Variants in SCAPER observed in about 807,000 individuals in gnomAD.
SCAPER encodes S phase cyclin A-associated protein in the endoplasmic reticulum.
In SCAPER, 98 loss-of-function variants were observed where a neutral mutation model predicts 182.2. The ratio of observed to expected loss-of-function variants is 0.54; its 90% CI spans 0.46 to 0.64. SCAPER has a LOEUF of 0.64. SCAPER is among the 30% of genes least tolerant of loss of function. SCAPER has a pLI of 0.00. For missense variants in SCAPER, 1,432 were observed against 1,690.0 expected (o/e 0.85, Z 2.68); for synonymous variants, 605 against 564.6 (o/e 1.07, Z -1.01).
At chr15:76,512,729 T>G (rs2042138932) in intron 23 of SCAPER, among the ~76,000 whole-genome samples, 1 of 152,052 alleles carries the variant, frequency 6.6e-6, no homozygotes, top group South Asian at 2.1e-4. Context: ...TTGAAAAACC[T>G]AAGACACAAG....
chr15:76,540,198 C>T (rs1285439751), intron 23 of SCAPER, among the ~76,000 whole-genome samples: 1 of 152,008 alleles, frequency 6.6e-6, no homozygotes, highest in Non-Finnish European at 1.5e-5. Flanking sequence ...GCTAGGTGTT[C>T]AAGACCAGCC....
chr15:76,876,128 C>T (rs531756383), intron 2 of SCAPER, among the ~76,000 whole-genome samples: 2 of 152,338 alleles, frequency 1.3e-5, no homozygotes, highest in South Asian at 2.1e-4. Context: ...GCCAAGCCCA[C>T]GCCCATCAGG....
At chr15:76,754,515 T>C (rs1437661049) in intron 14 of SCAPER, among the ~76,000 whole-genome samples, 2 of 152,084 alleles carry the variant, frequency 1.3e-5, no homozygotes, top group African/African-American at 4.8e-5. Context: ...AAGATAGATG[T>C]AGTAATTGCT....
At chr15:76,814,044 T>A (rs2066877035) in intron 5 of SCAPER, among the ~76,000 whole-genome samples, 1 of 152,056 alleles carries the variant, frequency 6.6e-6, no homozygotes, top group Non-Finnish European at 1.5e-5. Context: ...GGCAGGTGCC[T>A]ATAATCCCAC....
At chr15:76,718,619 C>A (rs1272730885) in intron 17 of SCAPER, among the ~76,000 whole-genome samples, 3 of 145,112 alleles carry the variant, frequency 2.1e-5, no homozygotes, top group African/African-American at 5.1e-5. Context: ...CCAGCCTGGA[C>A]AAGAGAACAA....
At chr15:76,645,241 G>T (rs1369687137) in intron 21 of SCAPER, among the ~76,000 whole-genome samples, 1 of 152,014 alleles carries the variant, frequency 6.6e-6, no homozygotes, top group East Asian at 1.9e-4. Context: ...TCTGCAGGGG[G>T]TCCTAGAACC....
At chr15:76,730,221 A>G (rs1232646206) in intron 16 of SCAPER, among the ~76,000 whole-genome samples, 2 of 152,140 alleles carry the variant, frequency 1.3e-5, no homozygotes, top group African/African-American at 2.4e-5. Flanking sequence ...CATCTCCACA[A>G]CAAGCTCTAT....
chr15:76,763,341 T>C (rs912165899), intron 14 of SCAPER, among the ~76,000 whole-genome samples: 1 of 38,486 alleles, frequency 2.6e-5, no homozygotes, highest in Non-Finnish European at 4.7e-5. Flanking sequence ...TGATCATTTC[T>C]GGGGTGGGGG....
At chr15:76,614,214 T>A (rs979192719) in intron 22 of SCAPER, among the ~76,000 whole-genome samples, 1 of 151,894 alleles carries the variant, frequency 6.6e-6, no homozygotes, top group African/African-American at 2.4e-5. Context: ...CATAGACACA[T>A]AGAGGGGAAC....
intron 21 of SCAPER, among the ~76,000 whole-genome samples, chr15:76,626,073 C>T (rs957600266): frequency 6.6e-6 from 1 of 152,092 alleles, no homozygotes; most frequent in African/African-American, 2.4e-5. Context: ...CAAAGCCATC[C>T]TGGGCCACAT....
intron 4 of SCAPER, among the ~76,000 whole-genome samples, chr15:76,848,629 C>T (rs1029290030): frequency 1.3e-5 from 2 of 152,042 alleles, no homozygotes; most frequent in South Asian, 2.1e-4. Context: ...CCACCATGCC[C>T]GGGCAAAGAT....
intron 2 of SCAPER, among the ~76,000 whole-genome samples, chr15:76,872,077 A>C (rs951458001): frequency 6.6e-6 from 1 of 152,188 alleles, no homozygotes; most frequent in African/African-American, 2.4e-5. Flanking sequence ...AGCTCAACAA[A>C]TCGCTTTAAC....
chr15:76,490,856 G>A (rs2052228636), intron 24 of SCAPER, among the ~76,000 whole-genome samples: 1 of 152,138 alleles, frequency 6.6e-6, no homozygotes, highest in Non-Finnish European at 1.5e-5. Flanking sequence ...TTTTGCCTGT[G>A]AATATCCAGT....
intron 15 of SCAPER, among the ~76,000 whole-genome samples, chr15:76,750,687 A>G (rs2151175281): frequency 6.6e-6 from 1 of 152,038 alleles, no homozygotes; most frequent in Non-Finnish European, 1.5e-5. Flanking sequence ...ATGCAGAAGA[A>G]AACATTTGAC....
intron 20 of SCAPER, among the ~76,000 whole-genome samples, chr15:76,672,594 T>G (rs2057103441): frequency 6.6e-6 from 1 of 151,922 alleles, no homozygotes; most frequent in Admixed American, 6.6e-5. Context: ...ACAGAAGATG[T>G]ATAAGAGTAA....
intron 1 of SCAPER, among the ~76,000 whole-genome samples, chr15:76,899,904 G>C (rs1350159658): frequency 6.6e-6 from 1 of 152,202 alleles, no homozygotes; most frequent in Admixed American, 6.5e-5. Context: ...GAAAAGAAAA[G>C]GGGGAAATGT....
rs1323834785 is a variant in SCAPER, at chr15:76,354,960, C to G, written c.3856-820G>C. 1.3e-5 allele frequency among the ~76,000 whole-genome samples: 2 copies of G among 152,184 alleles called. No homozygotes were observed. Among genetic ancestry groups the G allele is most frequent in the Admixed American group, 1.3e-4 (2 of 15,282 alleles). Reference sequence around the variant, plus strand: ...TCTAATATGAAAGAGCTGGGTGACCCAAAGCCCACTTCGTGGTATAGGAGG... The same window carrying G: ...TCTAATATGAAAGAGCTGGGTGACCGAAAGCCCACTTCGTGGTATAGGAGG... On this transcript the variant is annotated intron_variant, in intron 29 of 31. Coordinates refer to ENST00000563290, the MANE Select transcript of SCAPER (RefSeq NM_020843.4). This position sits in a 1 kb window ranked among gnomAD's most constrained non-coding sequence, Gnocchi z 4.4.
intron 15 of SCAPER, among the ~76,000 whole-genome samples, chr15:76,742,959 A>C (rs935188412): frequency 1.3e-5 from 2 of 152,128 alleles, no homozygotes; most frequent in African/African-American, 2.4e-5. Flanking sequence ...TAATTCTAAT[A>C]TTTTACTAAG....
chr15:76,887,171 A>G (rs1372389310), intron 1 of SCAPER, among the ~76,000 whole-genome samples: 2 of 152,208 alleles, frequency 1.3e-5, no homozygotes, highest in African/African-American at 4.8e-5. Flanking sequence ...TCAAAAAAAG[A>G]AAGTCTGAGT....
Sources: gnomAD v4.1 joint callset for allele counts (sites outside exome capture counted in the v4.1 genomes callset) on GRCh38, gnomAD v4.1.1 for gene constraint, Gnocchi (gnomAD v3.1) non-coding constraint, MANE v1.5 for transcripts, NCBI Gene and HGNC (gene_info 2026-07-23, HGNC 2026-07-21) for gene names.